The following SMARCA4 variants were observed in gnomAD, a reference collection of about 807,000 sequenced individuals.
SMARCA4 encodes SWI/SNF-related matrix-associated actin-dependent regulator of chromatin subfamily A member 4.
SMARCA4 carries 31 observed loss-of-function variants against 193.9 expected under a neutral mutation model. That is an observed-to-expected ratio of 0.16 (90% CI 0.12 to 0.22). The LOEUF (loss-of-function observed/expected upper bound fraction) is 0.22. Among genes scored for constraint, SMARCA4 ranks in the 10% least tolerant of loss-of-function variants. SMARCA4 has a pLI of 1.00. For missense variants in SMARCA4, 1,148 were observed against 2,296.0 expected (o/e 0.50, Z 10.22); for synonymous variants, 942 against 933.1 (o/e 1.01, Z -0.17).
rs2086211805 is a variant in SMARCA4, at chr19:10,987,951, T to C, written c.1118+27T>C. On this transcript the variant is annotated intron_variant, in intron 6 of 34. Coordinates refer to ENST00000344626, the MANE Select transcript of SMARCA4 (RefSeq NM_003072.5). The surrounding 1 kb of genome is among the most constrained non-coding windows in gnomAD (Gnocchi z 5.3). The stretch of plus-strand genomic sequence containing the variant: ...TGAGGGCGGGGCCCAGTTGCCAAGG[T>C]CACTGCCCTGTGTCCCCCATGTCCC... 1 of 1,610,196 alleles carries C rather than the reference T, an allele frequency of 6.2e-7. No individual in the cohort carries two copies. The highest frequency in any genetic ancestry group is 1.3e-5 in the African/African-American group (1 of 74,794).
At chr19:10,964,143 CAT>C (rs1230404082) in intron 1 of SMARCA4, among the ~76,000 whole-genome samples, 3 of 152,068 alleles carry the variant, frequency 2.0e-5, no homozygotes, top group African/African-American at 7.2e-5. Context: ...AGCATTCCAA[CAT>C]ATGTGTATTT....
In SMARCA4 at chr19:10,963,361, A is replaced by T. The variant is rs184756745; in HGVS notation, c.-32+2187A>T. 1.4e-3 allele frequency among the ~76,000 whole-genome samples: 202 copies of T among 143,168 alleles called. 2 individuals carry two copies. Among genetic ancestry groups the T allele is most frequent in the African/African-American group, 5.1e-3 (195 of 37,958 alleles). 93.9% of individuals were successfully genotyped at this position (143,168 alleles called of 152,430 possible). On this transcript the variant is annotated intron_variant, in intron 1 of 34. Coordinates refer to ENST00000344626, the MANE Select transcript of SMARCA4 (RefSeq NM_003072.5). ...GCATTCCAGCCTGTGCACCAGAGTA[A>T]GACTGTCTCAAAAAAAAAAAAAAAA...
Position 10,984,778 on chromosome 19 carries a change from C to T in SMARCA4, c.222+405C>T, listed in dbSNP as rs1204672128. ...GCTCGCAGAGCCGAGCAGCGGGTTC[C>T]CTTTCCTCCAAGGCGTGCCCCTCAG... is the stretch of plus-strand genomic sequence containing the variant. On this transcript the variant is annotated intron_variant, in intron 2 of 34. Transcript: ENST00000344626. The surrounding 1 kb of genome is among the most constrained non-coding windows in gnomAD (Gnocchi z 4.3). 2.6e-5 allele frequency among the ~76,000 whole-genome samples: 4 copies of T among 152,240 alleles called. No homozygotes were observed. The highest frequency in any genetic ancestry group is 2.6e-4 in the Admixed American group (4 of 15,286).
At chr19:11,055,295 T>C (rs1179432962) in intron 30 of SMARCA4, among the ~76,000 whole-genome samples, 1 of 152,168 alleles carries the variant, frequency 6.6e-6, no homozygotes, top group Non-Finnish European at 1.5e-5. Flanking sequence ...GTTCAGGTGA[T>C]TCTCCTGCCT....
chr19:11,036,927 G>A (rs376388090), intron 29 of SMARCA4, among the ~76,000 whole-genome samples: 64 of 152,104 alleles, frequency 4.2e-4, no homozygotes, highest in Non-Finnish European at 5.9e-5. Flanking sequence ...CTTTTTTCAC[G>A]CAATGTAACA....
chr19:11,009,766 G>A (rs138582346), intron 14 of SMARCA4, among the ~76,000 whole-genome samples: 2 of 144,666 alleles, frequency 1.4e-5, no homozygotes, highest in East Asian at 4.0e-4. Context: ...TCGGCTCTCT[G>A]CAAGCTCCGC....
chr19:10,962,863 C>T (rs547112202), intron 1 of SMARCA4, among the ~76,000 whole-genome samples: 7 of 152,118 alleles, frequency 4.6e-5, no homozygotes, highest in Non-Finnish European at 7.4e-5. Flanking sequence ...CTTTCCCTGG[C>T]CACCTCGGAC....
rs149573400 is a variant in SMARCA4 at position 10,987,721 on chromosome 19, G to A, written c.915G>A (p.Pro305=). ...GCACCCCTCAGAAGCTGATTCCCCC[G>A]CAGCCAACGGGCCGCCCTTCCCCCG... The part of the protein sequence containing the change: ...PTSTPQKLIP[P]QPTGRPSPAP... The change falls in exon 6 of 35, where the codon CCG becomes CCA. Residue 305 remains proline, a synonymous_variant. Transcript: ENST00000344626. The surrounding 1 kb of genome is among the most constrained non-coding windows in gnomAD (Gnocchi z 5.3). 3,951 of 1,609,678 alleles carry A rather than the reference G, an allele frequency of 2.5e-3. 70 individuals are homozygous for A. The African/African-American group carries it at 0.047, about 19-fold the overall frequency.
At chr19:11,018,007 C>T (rs765251497) in intron 16 of SMARCA4, among the ~76,000 whole-genome samples, 20 of 152,240 alleles carry the variant, frequency 1.3e-4, no homozygotes, top group Non-Finnish European at 2.4e-4. Flanking sequence ...CAGGAACTCT[C>T]CCCAGCCTTC....
chr19:11,019,467 C>A lies in SMARCA4; in HGVS notation c.2506-124C>A. 1.4e-6 allele frequency: 1 copy of A among 692,292 alleles called. No individual in the cohort carries two copies. The allele number at this position is 692,292 out of a possible 1,614,324, so 42.9% of individuals were successfully genotyped here. ...GCGGCCCTGCCAGCCCCTTTCCCCA[C>A]TACCCCTGTGAGGACGAGCCCTCCC... is the stretch of plus-strand genomic sequence containing the variant. On this transcript the variant is annotated intron_variant, in intron 17 of 34. Transcript: ENST00000344626. The surrounding 1 kb of genome is among the most constrained non-coding windows in gnomAD (Gnocchi z 6.1).
rs1462789534 is a variant in SMARCA4 at position 11,019,469 on chromosome 19, A to T, written c.2506-122A>T. 1.4e-6 allele frequency: 1 copy of T among 694,276 alleles called. No homozygotes were observed. Among genetic ancestry groups the T allele is most frequent in the Non-Finnish European group, 2.6e-6 (1 of 383,084 alleles). The allele number at this position is 694,276 out of a possible 1,614,324, so 43.0% of individuals were successfully genotyped here. On this transcript the variant is annotated intron_variant, in intron 17 of 34. Coordinates refer to ENST00000344626, the MANE Select transcript of SMARCA4 (RefSeq NM_003072.5). This position sits in a 1 kb window ranked among gnomAD's most constrained non-coding sequence, Gnocchi z 6.1. ...GGCCCTGCCAGCCCCTTTCCCCACTACCCCTGTGAGGACGAGCCCTCCCGC... is the reference window on the plus strand; with the variant it reads ...GGCCCTGCCAGCCCCTTTCCCCACTTCCCCTGTGAGGACGAGCCCTCCCGC...
At chr19:11,048,060 G>A (rs2076049251) in intron 30 of SMARCA4, among the ~76,000 whole-genome samples, 1 of 152,160 alleles carries the variant, frequency 6.6e-6, no homozygotes, top group African/African-American at 2.4e-5. Context: ...TGCATGGCAG[G>A]TGGTGCTCAT....
intron 11 of SMARCA4, among the ~76,000 whole-genome samples, chr19:10,998,949 G>A (rs1262105992): frequency 3.3e-5 from 5 of 150,786 alleles, no homozygotes; most frequent in East Asian, 2.0e-4. Context: ...CACCCAGGCC[G>A]GAGTGTGTGG....
rs2089632599 is a variant in SMARCA4 at position 11,019,090 on chromosome 19, C to T, written c.2505+67C>T. 8.5e-7 allele frequency: 1 copy of T among 1,174,098 alleles called. No homozygotes were observed. Among genetic ancestry groups the T allele is most frequent in the Non-Finnish European group, 1.3e-6 (1 of 778,646 alleles). The allele number at this position is 1,174,098 out of a possible 1,614,324, so 72.7% of individuals were successfully genotyped here. On this transcript the variant is annotated intron_variant, in intron 17 of 34. Transcript: ENST00000344626. The surrounding 1 kb of genome is among the most constrained non-coding windows in gnomAD (Gnocchi z 6.1). ...TGCAGGCGGTGGTGGGCAGGACGTC[C>T]ACACATACCTCTGGACAGTGAACCT...
intron 21 of SMARCA4, among the ~76,000 whole-genome samples, chr19:11,025,133 C>T (rs1036254963): frequency 2.0e-5 from 3 of 152,136 alleles, no homozygotes; most frequent in Non-Finnish European, 2.9e-5. Flanking sequence ...CACAAAGCAT[C>T]GGGGACTCTG....
chr19:10,999,764 C>T (rs932107378), intron 11 of SMARCA4, among the ~76,000 whole-genome samples: 9 of 152,308 alleles, frequency 5.9e-5, no homozygotes, highest in African/African-American at 2.2e-4. Flanking sequence ...AAATCAGCAA[C>T]CTGATTTCCC....
chr19:11,038,776 A>G (rs1313591388), intron 29 of SMARCA4, among the ~76,000 whole-genome samples: 1 of 151,992 alleles, frequency 6.6e-6, no homozygotes. Flanking sequence ...ATTTTTTACC[A>G]TTGGGATAAG....
intron 1 of SMARCA4, among the ~76,000 whole-genome samples, chr19:10,977,077 TAAC>T (rs1376292789): frequency 2.0e-5 from 3 of 152,058 alleles, no homozygotes; most frequent in Non-Finnish European, 2.9e-5. Context: ...AATAAACAAA[TAAC>T]AAGAACAAAA....
chr19:11,032,666 CAA>C (rs553090305), intron 25 of SMARCA4: 168 of 112,604 alleles, frequency 1.5e-3, no homozygotes, highest in Admixed American at 4.2e-3. Flanking sequence ...GACTTTGTCT[CAA>C]AAAAAAAAAA....
Sources: gnomAD v4.1 joint callset for allele counts (sites outside exome capture counted in the v4.1 genomes callset) on GRCh38, gnomAD v4.1.1 for gene constraint, Gnocchi (gnomAD v3.1) non-coding constraint, MANE v1.5 for transcripts, NCBI Gene and HGNC (gene_info 2026-07-23, HGNC 2026-07-21) for gene names.